The following CRISP1 variants were observed in gnomAD, a reference collection of about 807,000 sequenced individuals.
The protein encoded by CRISP1 is cysteine-rich secretory protein 1.
CRISP1 carries 44 observed loss-of-function variants against 33.1 expected under a neutral mutation model. The observed-to-expected ratio is 1.33, with a 90% CI of 1.05 to 1.71. CRISP1 has a LOEUF of 1.71. Ranked by LOEUF, CRISP1 falls within the 40% of genes most tolerant of loss-of-function variation. The pLI is 0.00. For synonymous variants in CRISP1, 103 were observed against 98.7 expected, an observed-to-expected ratio of 1.04 and a Z score of -0.26; for missense variants, 390 against 301.2, an observed-to-expected ratio of 1.29 and a Z score of -2.18.
chr6:49,836,974 T>C (rs1257576254), intron 7 of CRISP1, among the ~76,000 whole-genome samples: 1 of 152,102 alleles, frequency 6.6e-6, no homozygotes, highest in Non-Finnish European at 1.5e-5. Flanking sequence ...AATATGACTA[T>C]CAGTGGATTT....
upstream of CRISP1, among the ~76,000 whole-genome samples, chr6:49,870,626 T>A (rs200564694): frequency 1.3e-5 from 2 of 152,138 alleles, no homozygotes; most frequent in African/African-American, 2.4e-5. Context: ...TTATGCAAAT[T>A]TATATGATTT....
At chr6:49,858,511 G>A (rs1180683198) in intron 1 of CRISP1, among the ~76,000 whole-genome samples, 1 of 152,126 alleles carries the variant, frequency 6.6e-6, no homozygotes, top group African/African-American at 2.4e-5. Flanking sequence ...TTGCTCTCAC[G>A]TTTCCCCTGC....
chr6:49,857,301 G>C (rs1400600256), intron 2 of CRISP1, 34 bp downstream of exon 2: 1 of 1,598,046 alleles, frequency 6.3e-7, no homozygotes, highest in South Asian at 1.1e-5. Flanking sequence ...TCTTTATTTA[G>C]AAAGTAATTA....
intron 5 of CRISP1, among the ~76,000 whole-genome samples, chr6:49,842,044 G>C (rs569442205): frequency 5.3e-5 from 8 of 152,234 alleles, no homozygotes; most frequent in South Asian, 4.1e-4. Context: ...TTCTTGATTA[G>C]AGAACATGTT....
At chr6:49,856,478 A>G (rs1262161996) in intron 2 of CRISP1, among the ~76,000 whole-genome samples, 1 of 152,162 alleles carries the variant, frequency 6.6e-6, no homozygotes, top group African/African-American at 2.4e-5. Flanking sequence ...ATTACTGGGC[A>G]TTAAACAGGA....
intron 4 of CRISP1, among the ~76,000 whole-genome samples, chr6:49,847,041 T>C (rs1771198376): frequency 6.6e-6 from 1 of 152,168 alleles, no homozygotes; most frequent in African/African-American, 2.4e-5. Flanking sequence ...AGATGTTGAA[T>C]AAACATTTGT....
intron 1 of CRISP1, among the ~76,000 whole-genome samples, chr6:49,859,154 C>G (rs1771575907): frequency 6.6e-6 from 1 of 151,952 alleles, no homozygotes; most frequent in Admixed American, 6.6e-5. Context: ...CTGGAGCCTG[C>G]CCAAAGGCAC....
intron 5 of CRISP1, among the ~76,000 whole-genome samples, chr6:49,842,229 G>A (rs946776269): frequency 6.6e-6 from 1 of 152,040 alleles, no homozygotes; most frequent in African/African-American, 2.4e-5. Flanking sequence ...TTGTTTGCAG[G>A]TTCTTACTAA....
intron 5 of CRISP1, among the ~76,000 whole-genome samples, chr6:49,842,789 C>G (rs1174565606): frequency 1.3e-5 from 2 of 152,166 alleles, no homozygotes; most frequent in African/African-American, 4.8e-5. Context: ...GTAAAGACCA[C>G]TTGACTAGGA....
At chr6:49,875,598 C>G (rs1247802433) in intron 1 of CRISP1, among the ~76,000 whole-genome samples, 1 of 152,036 alleles carries the variant, frequency 6.6e-6, no homozygotes, top group African/African-American at 2.4e-5. Context: ...CAAGAAAATT[C>G]TCAGCATAAA....
At chr6:49,861,788 G>A (rs1403430738) in intron 1 of CRISP1, among the ~76,000 whole-genome samples, 1 of 152,024 alleles carries the variant, frequency 6.6e-6, no homozygotes, top group Non-Finnish European at 1.5e-5. Context: ...AGGAGGTTGA[G>A]GTGGGAGAAT....
chr6:49,844,293 C>A (rs1771087250), intron 5 of CRISP1, among the ~76,000 whole-genome samples: 1 of 152,106 alleles, frequency 6.6e-6, no homozygotes, highest in African/African-American at 2.4e-5. Flanking sequence ...CTAAAGTGGA[C>A]AGAGAAAACA....
chr6:49,854,537 C>A (rs1771440478), intron 2 of CRISP1, among the ~76,000 whole-genome samples: 1 of 152,088 alleles, frequency 6.6e-6, no homozygotes, highest in Non-Finnish European at 1.5e-5. Flanking sequence ...TGGCTACATG[C>A]TGCTTATTTC....
upstream of CRISP1, among the ~76,000 whole-genome samples, chr6:49,871,172 T>C (rs1475284610): frequency 2.0e-5 from 3 of 151,600 alleles, no homozygotes; most frequent in African/African-American, 7.2e-5. Context: ...AAAAAGTGTG[T>C]CTGTCTTCCT....
At chr6:49,841,311 T>C (rs143817144) in intron 5 of CRISP1, among the ~76,000 whole-genome samples, 73 of 152,316 alleles carry the variant, frequency 4.8e-4, no homozygotes, top group African/African-American at 1.6e-3. Context: ...CTAGATGTAA[T>C]TTCTAATTTT....
At chr6:49,846,394 G>A in intron 5 of CRISP1, 126 bp downstream of exon 5, 1 of 958,450 alleles carries the variant, frequency 1.0e-6, no homozygotes, top group Non-Finnish European at 1.6e-6. Flanking sequence ...ATTATAAGAG[G>A]AACTCAGTAA....
chr6:49,847,137 C>T (rs970904391), intron 4 of CRISP1, among the ~76,000 whole-genome samples: 2 of 152,114 alleles, frequency 1.3e-5, no homozygotes, highest in Non-Finnish European at 2.9e-5. Flanking sequence ...AGGCAGGAAC[C>T]ACTTTGCTAA....
At chr6:49,856,128 GTA>G (rs1278616454) in intron 2 of CRISP1, among the ~76,000 whole-genome samples, 1 of 152,112 alleles carries the variant, frequency 6.6e-6, no homozygotes, top group African/African-American at 2.4e-5. Context: ...CCTTGGACGG[GTA>G]GGGTTCTACT....
intron 1 of CRISP1, among the ~76,000 whole-genome samples, chr6:49,872,887 C>G (rs1039417161): frequency 4.6e-5 from 7 of 152,018 alleles, no homozygotes; most frequent in Non-Finnish European, 7.4e-5. Context: ...AATGCAGGCT[C>G]TTTTTTGGTT....
Sources: allele counts gnomAD v4.1 joint callset (sites outside exome capture counted in the v4.1 genomes callset), GRCh38; gene constraint gnomAD v4.1.1; transcripts MANE v1.5; gene names NCBI Gene and HGNC (gene_info 2026-07-23, HGNC 2026-07-21).